VCAN: variants seen among roughly 807,000 people sequenced by gnomAD.
The protein encoded by VCAN is versican, also known as versican core protein.
Under a neutral mutation model 245.5 loss-of-function variants are expected in VCAN, and 44 were observed. That is an observed-to-expected ratio of 0.18 (90% CI 0.14 to 0.23). The LOEUF (loss-of-function observed/expected upper bound fraction) is 0.23, where lower values mean the gene tolerates loss of function less well. Ranked by LOEUF, VCAN falls within the 10% of genes least tolerant of loss-of-function variation. The probability of loss-of-function intolerance (pLI) is 1.00; values close to 1 mark genes in which losing one functional copy is unlikely to be tolerated. For missense variants in VCAN, 3,793 were observed against 4,057.9 expected, an observed-to-expected ratio of 0.93 and a Z score of 1.77; for synonymous variants, 1,413 against 1,437.0, an observed-to-expected ratio of 0.98 and a Z score of 0.38.
At chr5:83,500,098 A>G (rs1158810516) in intron 5 of VCAN, among the ~76,000 whole-genome samples, 1 of 152,188 alleles carries the variant, frequency 6.6e-6, no homozygotes, top group African/African-American at 2.4e-5. Flanking sequence ...TGTAATCTAC[A>G]GAATACTTCA....
intron 12 of VCAN, among the ~76,000 whole-genome samples, chr5:83,565,966 T>C (rs183236455): frequency 3.3e-5 from 5 of 151,360 alleles, no homozygotes; most frequent in African/African-American, 4.8e-5. Context: ...CTGCTTTTTT[T>C]TTTCTTTTTT....
chr5:83,567,554 C>A (rs539975691), intron 12 of VCAN, among the ~76,000 whole-genome samples: 56 of 152,308 alleles, frequency 3.7e-4, no homozygotes, highest in South Asian at 2.5e-3. Context: ...CCCGCCTCAG[C>A]CTCCCAAAGT....
intron 5 of VCAN, among the ~76,000 whole-genome samples, chr5:83,506,822 G>A (rs925423252): frequency 6.6e-6 from 1 of 152,174 alleles, no homozygotes. Context: ...GAATCTTGGC[G>A]AGAGGTGAAA....
In VCAN at chr5:83,541,671, C is replaced by G. The variant is rs770434915; in HGVS notation, c.8668C>G (p.Pro2890Ala). 1 of 1,613,862 alleles carries G rather than the reference C, an allele frequency of 6.2e-7. No individual in the cohort carries two copies. The highest frequency in any genetic ancestry group is 1.7e-5 in the Admixed American group (1 of 59,998). ...SEEYLHITEPPSLSPDTKLEP... is the reference protein window; with the variant it reads ...SEEYLHITEPASLSPDTKLEP... ...GGAATACCTTCACATAACTGAGCCT[C>G]CCTCTTTATCTCCTGACACAAAATT... Residue 2890 changes from proline to alanine, a missense_variant, in exon 8 of 15, where the codon CCC becomes GCC. Physicochemically the swap from Pro to Ala is conservative, Grantham distance 27. Around this residue, in one of 5 missense-constraint regions of VCAN, gnomAD observed 3,182 missense variants for 3,250.3 expected, o/e 0.98. Coordinates refer to ENST00000265077, the MANE Select transcript of VCAN (RefSeq NM_004385.5).
At chr5:83,502,752 A>G (rs1745370293) in intron 5 of VCAN, among the ~76,000 whole-genome samples, 1 of 150,892 alleles carries the variant, frequency 6.6e-6, no homozygotes. Context: ...GACTATGGAT[A>G]ATACTCTAAT....
In VCAN at chr5:83,561,154, G is replaced by A. The variant is rs184018385; in HGVS notation, c.9735+6116G>A. Among the ~76,000 whole-genome samples the A allele has an allele frequency of 2.0e-4, 31 of 152,136 alleles. No individual in the cohort carries two copies. In the East Asian group the frequency reaches 5.8e-3, roughly 29 times the overall value. On this transcript the variant is annotated intron_variant, in intron 12 of 14. Coordinates refer to ENST00000265077, the MANE Select transcript of VCAN (RefSeq NM_004385.5). ...AGGACTCAAATGTCACACCCCGTGAGGCTGCTGGCTTCCCTGCTTCCTGGG... is the reference window on the plus strand; with the variant it reads ...AGGACTCAAATGTCACACCCCGTGAAGCTGCTGGCTTCCCTGCTTCCTGGG...
At chr5:83,552,258 CATTT>C (rs1747499132) in intron 10 of VCAN, among the ~76,000 whole-genome samples, 1 of 152,124 alleles carries the variant, frequency 6.6e-6, no homozygotes, top group African/African-American at 2.4e-5. Context: ...ATAAAGCAAA[CATTT>C]ATTTAATTTA....
intron 1 of VCAN, among the ~76,000 whole-genome samples, chr5:83,480,630 G>A (rs1240299492): frequency 6.6e-6 from 1 of 152,158 alleles, no homozygotes; most frequent in Non-Finnish European, 1.5e-5. Flanking sequence ...GAAATATTGT[G>A]GGAATTATTA....
In VCAN at chr5:83,540,332, C is replaced by G. The variant is rs192091495; in HGVS notation, c.7329C>G (p.His2443Gln). Residue 2443 changes from histidine (H) to glutamine (Q), a missense_variant, in exon 8 of 15, where the codon CAC (histidine) becomes CAG (glutamine). Around this residue, in one of 5 missense-constraint regions of VCAN, gnomAD observed 3,182 missense variants for 3,250.3 expected, o/e 0.98. Transcript: ENST00000265077. ...AAGTGGATATTGTTGATTCATTTCACACTTCTGCAACTACTCAGGCAACCA... is the reference window on the plus strand; with the variant it reads ...AAGTGGATATTGTTGATTCATTTCAGACTTCTGCAACTACTCAGGCAACCA... Reference protein sequence around the residue: ...SGEVDIVDSFHTSATTQATRQ... With the variant: ...SGEVDIVDSFQTSATTQATRQ... The G allele has an allele frequency of 6.2e-7, 1 of 1,614,072 alleles. No homozygotes were observed. Among genetic ancestry groups the G allele is most frequent in the East Asian group, 2.2e-5 (1 of 44,874 alleles).
chr5:83,560,237 T>A (rs745321590), intron 12 of VCAN, among the ~76,000 whole-genome samples: 1 of 152,138 alleles, frequency 6.6e-6, no homozygotes, highest in Non-Finnish European at 1.5e-5. Flanking sequence ...AGGTTTTCCA[T>A]GAAACTTTAA....
intron 6 of VCAN, among the ~76,000 whole-genome samples, chr5:83,514,620 C>T (rs569257264): frequency 4.6e-5 from 7 of 151,946 alleles, no homozygotes; most frequent in East Asian, 1.9e-4. Flanking sequence ...CCACCGTGCC[C>T]GGCTAATTTT....
chr5:83,500,718 G>A (rs1286975473), intron 5 of VCAN, among the ~76,000 whole-genome samples: 2 of 152,108 alleles, frequency 1.3e-5, no homozygotes, highest in African/African-American at 4.8e-5. Context: ...AGGCAGTCTT[G>A]CAAGCCAAGA....
rs754070094 is a variant in VCAN at position 83,538,150 on chromosome 5, C to G, written c.5147C>G (p.Ser1716Cys). 23 of 1,613,780 alleles carry G rather than the reference C, an allele frequency of 1.4e-5. No individual in the cohort carries two copies. The African/African-American group carries it at 2.9e-4, about 21-fold the overall frequency. ...VSETDTSEWI[S>C]STTVEEKKRK... Reference sequence around the variant, plus strand: ...GAAACAGACACTTCTGAGTGGATTTCCAGTACCACTGTTGAGGAAAAGAAA... The same window carrying G: ...GAAACAGACACTTCTGAGTGGATTTGCAGTACCACTGTTGAGGAAAAGAAA... The change falls in exon 8 of 15, where the codon TCC (serine) becomes TGC (cysteine). Residue 1716 changes from serine (S) to cysteine (C), a missense_variant. Ser to Cys is a moderately radical substitution (Grantham distance 112). Coordinates refer to ENST00000265077, the MANE Select transcript of VCAN (RefSeq NM_004385.5).
intron 3 of VCAN, among the ~76,000 whole-genome samples, chr5:83,492,767 A>G (rs1363455080): frequency 2.0e-5 from 3 of 152,256 alleles, no homozygotes; most frequent in Admixed American, 2.0e-4. Context: ...GTTATCTGTC[A>G]TAGCAGAGAC....
At chr5:83,472,901 C>T (rs182017294) in intron 1 of VCAN, among the ~76,000 whole-genome samples, 50 of 152,256 alleles carry the variant, frequency 3.3e-4, no homozygotes, top group African/African-American at 1.1e-3. Flanking sequence ...TAGGGTCTGT[C>T]GCTCCCATCT....
chr5:83,482,173 A>C (rs748843253), intron 1 of VCAN, among the ~76,000 whole-genome samples: 2 of 152,230 alleles, frequency 1.3e-5, no homozygotes, highest in African/African-American at 2.4e-5. Context: ...TCTCAGCTTC[A>C]TTTCCAGAGG....
At chr5:83,482,470 A>T (rs759720193) in intron 1 of VCAN, among the ~76,000 whole-genome samples, 20 of 152,216 alleles carry the variant, frequency 1.3e-4, no homozygotes, top group Non-Finnish European at 2.6e-4. Flanking sequence ...TTGACCCAGG[A>T]TTCTCCAAAG....
chr5:83,504,619 T>A (rs1207250375), intron 5 of VCAN, among the ~76,000 whole-genome samples: 1 of 152,158 alleles, frequency 6.6e-6, no homozygotes, highest in Non-Finnish European at 1.5e-5. Context: ...TGACCTCAGA[T>A]GATCCACCTG....
At chr5:83,481,083 C>T (rs977809165) in intron 1 of VCAN, among the ~76,000 whole-genome samples, 1 of 151,856 alleles carries the variant, frequency 6.6e-6, no homozygotes, top group Admixed American at 6.6e-5. Flanking sequence ...GAATGCAGAA[C>T]TTGCATTCTG....
Sources: gnomAD v4.1 joint callset for allele counts (sites outside exome capture counted in the v4.1 genomes callset) on GRCh38, gnomAD v4.1.1 for gene constraint, gnomAD v4.1.1 regional missense constraint, MANE v1.5 for transcripts, NCBI Gene and HGNC (gene_info 2026-07-23, HGNC 2026-07-21) for gene names.